OTOGL: variants seen among roughly 807,000 people sequenced by gnomAD.
OTOGL encodes the protein otogelin like, also known as otogelin-like protein.
OTOGL carries 285 observed loss-of-function variants against 318.5 expected under a neutral mutation model. The ratio of observed to expected loss-of-function variants is 0.89; its 90% confidence interval spans 0.81 to 0.99. The LOEUF (loss-of-function observed/expected upper bound fraction) is 0.99, where lower values mean the gene tolerates loss of function less well. OTOGL is among the 50% of genes least tolerant of loss of function. The pLI is 0.00. For synonymous variants in OTOGL, 987 were observed against 936.5 expected, an observed-to-expected ratio of 1.05 and a Z score of -0.99; for missense variants, 2,899 against 2,845.6, an observed-to-expected ratio of 1.02 and a Z score of -0.43.
intron 1 of OTOGL, among the ~76,000 whole-genome samples, chr12:80,145,733 T>C (rs1406948384): frequency 1.3e-5 from 2 of 152,008 alleles, no homozygotes; most frequent in Admixed American, 1.3e-4. Context: ...TTTTATTTCA[T>C]TGAGCAGTGG....
intron 1 of OTOGL, among the ~76,000 whole-genome samples, chr12:80,137,376 A>G (rs1305896940): frequency 1.3e-5 from 2 of 152,176 alleles, no homozygotes; most frequent in Non-Finnish European, 2.9e-5. Flanking sequence ...GTTTACAATA[A>G]AAGACATTGG....
At chr12:80,204,248 C>T (rs967999188) in intron 1 of OTOGL, among the ~76,000 whole-genome samples, 3 of 152,096 alleles carry the variant, frequency 2.0e-5, no homozygotes. Context: ...CACAGTAATG[C>T]CATATCTCCA....
intron 32 of OTOGL, among the ~76,000 whole-genome samples, chr12:80,316,347 C>T (rs1886971476): frequency 6.6e-6 from 1 of 152,178 alleles, no homozygotes; most frequent in Non-Finnish European, 1.5e-5. Flanking sequence ...TCTGTTATGA[C>T]AATCTCCATC....
In OTOGL at chr12:80,198,411, C is replaced by T. The variant is rs1422824013; in HGVS notation, c.-19-11002C>T. The stretch of plus-strand genomic sequence containing the variant: ...ACCATCCTGGCCAACATGGTGAAAC[C>T]CCATCTCTAATAAAATACAAAAATT... On this transcript the variant is annotated intron_variant, in intron 1 of 58. Coordinates refer to ENST00000547103, the MANE Select transcript of OTOGL (RefSeq NM_001378609.3). Among the ~76,000 whole-genome samples, 7 of 152,146 alleles carry T rather than the reference C, an allele frequency of 4.6e-5. No individual in the cohort carries two copies. In the East Asian group the frequency reaches 1.4e-3, roughly 29 times the overall value.
At chr12:80,359,899 G>T (rs1036727544) in intron 52 of OTOGL, among the ~76,000 whole-genome samples, 4 of 152,194 alleles carry the variant, frequency 2.6e-5, no homozygotes, top group Admixed American at 6.5e-5. Flanking sequence ...TACCAAGTCA[G>T]CACTTTAGCT....
In OTOGL at chr12:80,255,097, C is replaced by G. The variant is rs908842302; in HGVS notation, c.1499C>G (p.Ser500Cys). 5.3e-6 allele frequency: 8 copies of G among 1,517,204 alleles called. No individual in the cohort carries two copies. Among genetic ancestry groups the G allele is most frequent in the Non-Finnish European group, 6.2e-6 (7 of 1,133,866 alleles). 94.0% of individuals were successfully genotyped at this position (1,517,204 alleles called of 1,614,324 possible). A position where few individuals can be genotyped will look rare whatever the true frequency, so the allele number is the denominator to read the frequency against. ...HFTTFDGRHY[S>C]FIGMCQYILV... The stretch of plus-strand genomic sequence containing the variant: ...ACAACTTTTGATGGTCGACATTATT[C>G]TTTTATTGGCATGTGCCAATACATC... The change falls in exon 16 of 59, where the codon TCT (serine) becomes TGT (cysteine). Residue 500 changes from serine to cysteine, a missense_variant. Around this residue, in one of 3 missense-constraint regions of OTOGL, gnomAD observed 2,607 missense variants for 2,524.9 expected, o/e 1.03. Transcript: ENST00000547103.
chr12:80,165,856 A>G (rs1168016008), intron 1 of OTOGL, among the ~76,000 whole-genome samples: 2 of 152,102 alleles, frequency 1.3e-5, no homozygotes, highest in Non-Finnish European at 2.9e-5. Context: ...GTTTCCCTTA[A>G]TCCCATCCAT....
At chr12:80,148,158 T>C (rs1294548760) in intron 1 of OTOGL, among the ~76,000 whole-genome samples, 209 of 151,962 alleles carry the variant, frequency 1.4e-3, no homozygotes, top group Non-Finnish European at 1.6e-3. Flanking sequence ...TCGATGGTCT[T>C]TACATTTTGG....
chr12:80,307,860 G>A (rs1886292769), intron 29 of OTOGL, among the ~76,000 whole-genome samples: 1 of 139,220 alleles, frequency 7.2e-6, no homozygotes. Flanking sequence ...GGCTGGCCGG[G>A]CGGGGGGCTG....
chr12:80,135,266 TCCCC>T (rs1565873178), intron 1 of OTOGL, among the ~76,000 whole-genome samples: 26 of 18,718 alleles, frequency 1.4e-3, no homozygotes, highest in Admixed American at 2.6e-3. Flanking sequence ...TCCCCTCCCC[TCCCC>T]TCCCCTCCCC....
intron 16 of OTOGL, among the ~76,000 whole-genome samples, chr12:80,255,532 A>G (rs1361381337): frequency 6.6e-6 from 1 of 151,900 alleles, no homozygotes; most frequent in Admixed American, 6.6e-5. Flanking sequence ...TTTTTTGAAC[A>G]TTTTATGCAT....
chr12:80,109,306 T>G lies in OTOGL; in HGVS notation c.-20+9701T>G, dbSNP rs866865606. Reference sequence around the variant, plus strand: ...TGAGTTTGTATTGACATGAATTCTATTTTAAATCAAACAACACAGGGTTCT... The same window carrying G: ...TGAGTTTGTATTGACATGAATTCTAGTTTAAATCAAACAACACAGGGTTCT... On this transcript the variant is annotated intron_variant, in intron 1 of 58. Transcript: ENST00000547103. 3.4e-4 allele frequency among the ~76,000 whole-genome samples: 52 copies of G among 152,304 alleles called. No individual in the cohort carries two copies. The Middle Eastern group carries it at 0.014, about 40-fold the overall frequency.
chr12:80,195,317 G>A (rs1173693370), intron 1 of OTOGL, among the ~76,000 whole-genome samples: 3 of 152,170 alleles, frequency 2.0e-5, no homozygotes, highest in Non-Finnish European at 4.4e-5. Context: ...GCACACTGAC[G>A]TTCAGTAGTG....
At chr12:80,162,828 T>C (rs1006440942) in intron 1 of OTOGL, among the ~76,000 whole-genome samples, 4 of 151,792 alleles carry the variant, frequency 2.6e-5, no homozygotes, top group African/African-American at 9.7e-5. Context: ...GGGTTTTTTC[T>C]TGTGGGGGGT....
At chr12:80,128,319 T>G (rs1870991447) in intron 1 of OTOGL, among the ~76,000 whole-genome samples, 1 of 152,232 alleles carries the variant, frequency 6.6e-6, no homozygotes, top group Admixed American at 6.5e-5. Flanking sequence ...AGACCCTGTT[T>G]GCCTGGGTTT....
chr12:80,177,848 G>C (rs1592521165), intron 1 of OTOGL, among the ~76,000 whole-genome samples: 1 of 151,940 alleles, frequency 6.6e-6, no homozygotes, highest in Non-Finnish European at 1.5e-5. Flanking sequence ...ATGAATCAGA[G>C]CAACCTTTAG....
At chr12:80,377,288 C>A in intron 58 of OTOGL, 86 bp downstream of exon 58, 1 of 909,392 alleles carries the variant, frequency 1.1e-6, no homozygotes, top group Non-Finnish European at 1.7e-6. Flanking sequence ...TGTAAGCCAA[C>A]AAACTGCCAA....
intron 11 of OTOGL, among the ~76,000 whole-genome samples, chr12:80,244,157 A>AT (rs1414346446): frequency 5.0e-4 from 73 of 147,320 alleles, no homozygotes; most frequent in African/African-American, 1.8e-3. Context: ...CGAAAGTCCT[A>AT]TTTTTTCTTT....
At chr12:80,164,389 G>A (rs1381500931) in intron 1 of OTOGL, among the ~76,000 whole-genome samples, 2 of 152,072 alleles carry the variant, frequency 1.3e-5, no homozygotes, top group African/African-American at 4.8e-5. Flanking sequence ...CTTCTTTGGT[G>A]GGAGGTTCTG....
Sources: allele counts gnomAD v4.1 joint callset (sites outside exome capture counted in the v4.1 genomes callset), GRCh38; gene constraint gnomAD v4.1.1; regional missense constraint gnomAD v4.1.1; transcripts MANE v1.5; gene names NCBI Gene and HGNC (gene_info 2026-07-23, HGNC 2026-07-21).